The following NFKB1 variants were observed in gnomAD, a reference collection of about 807,000 sequenced individuals.
NFKB1 encodes the protein nuclear factor NF-kappa-B p105 subunit.
A neutral mutation model predicts 105.1 loss-of-function variants in NFKB1; 9 were observed. The ratio of observed to expected loss-of-function variants is 0.09; its 90% CI spans 0.05 to 0.15. The LOEUF (loss-of-function observed/expected upper bound fraction) is 0.15, where lower values mean the gene tolerates loss of function less well. NFKB1 is among the 10% of genes least tolerant of loss of function. The pLI is 1.00. For missense variants in NFKB1, 830 were observed against 1,203.7 expected, an observed-to-expected ratio of 0.69 and a Z score of 4.59; for synonymous variants, 440 against 442.2, an observed-to-expected ratio of 1.00 and a Z score of 0.06.
intron 16 of NFKB1, among the ~76,000 whole-genome samples, chr4:102,603,135 C>A (rs551188723): frequency 6.6e-6 from 1 of 152,092 alleles, no homozygotes; most frequent in Non-Finnish European, 1.5e-5. Flanking sequence ...TGCAGTGGCG[C>A]GATCTCGGCT....
chr4:102,556,164 A>G (rs968959030), intron 5 of NFKB1, among the ~76,000 whole-genome samples: 3 of 152,178 alleles, frequency 2.0e-5, no homozygotes, highest in Non-Finnish European at 4.4e-5. Context: ...CAGCATTTGT[A>G]TTTCCATTTC....
intron 15 of NFKB1, among the ~76,000 whole-genome samples, chr4:102,599,136 G>A (rs1726909706): frequency 6.6e-6 from 1 of 152,102 alleles, no homozygotes; most frequent in African/African-American, 2.4e-5. Flanking sequence ...GATTTGAGGG[G>A]GAGGGGGAAT....
chr4:102,534,746 A>C (rs1322594126), intron 4 of NFKB1, among the ~76,000 whole-genome samples: 1 of 152,206 alleles, frequency 6.6e-6, no homozygotes, highest in African/African-American at 2.4e-5. Context: ...GTCCTCTTGC[A>C]GCTGTATTAC....
intron 19 of NFKB1, among the ~76,000 whole-genome samples, chr4:102,608,040 TAG>T (rs1291015688): frequency 3.3e-5 from 5 of 152,202 alleles, no homozygotes; most frequent in Admixed American, 6.5e-5. Context: ...CTTTTCAAAG[TAG>T]AGTTTGATTC....
intron 11 of NFKB1, among the ~76,000 whole-genome samples, chr4:102,589,999 A>G (rs1237186312): frequency 6.6e-6 from 1 of 152,208 alleles, no homozygotes; most frequent in Non-Finnish European, 1.5e-5. Flanking sequence ...AAAAGCAATC[A>G]GAAGTCTCAG....
chr4:102,606,238 A>C (rs1438557831), intron 16 of NFKB1, among the ~76,000 whole-genome samples: 1 of 152,240 alleles, frequency 6.6e-6, no homozygotes, highest in Non-Finnish European at 1.5e-5. Flanking sequence ...TACAATTACT[A>C]TTTGTCAATT....
intron 5 of NFKB1, among the ~76,000 whole-genome samples, chr4:102,548,600 C>T (rs769912779): frequency 5.3e-5 from 8 of 152,112 alleles, no homozygotes; most frequent in Non-Finnish European, 7.4e-5. Flanking sequence ...TTAAAGCAAC[C>T]GAAATTTATT....
At chr4:102,612,268 A>T (rs113931946) in intron 21 of NFKB1, among the ~76,000 whole-genome samples, 158 bp downstream of exon 21, 3 of 152,328 alleles carry the variant, frequency 2.0e-5, no homozygotes, top group African/African-American at 7.2e-5. Context: ...GTTTTAATCT[A>T]CTGTAAATGT....
chr4:102,511,683 A>G (rs1560629559), intron 1 of NFKB1, among the ~76,000 whole-genome samples: 1 of 151,708 alleles, frequency 6.6e-6, no homozygotes, highest in Non-Finnish European at 1.5e-5. Context: ...CAAAAAAGGA[A>G]AAAAAAAATA....
chr4:102,609,411 A>G (rs2149225765), intron 19 of NFKB1, among the ~76,000 whole-genome samples: 1 of 152,036 alleles, frequency 6.6e-6, no homozygotes, highest in Non-Finnish European at 1.5e-5. Flanking sequence ...TGGCAGTTCG[A>G]GACTCACCTG....
chr4:102,523,600 A>G (rs1430031544), intron 1 of NFKB1, among the ~76,000 whole-genome samples: 1 of 152,174 alleles, frequency 6.6e-6, no homozygotes, highest in Non-Finnish European at 1.5e-5. Context: ...TTAAAGAACA[A>G]AGTTTATTTC....
chr4:102,534,833 T>C (rs1302288467), intron 4 of NFKB1, among the ~76,000 whole-genome samples: 3 of 152,200 alleles, frequency 2.0e-5, no homozygotes, highest in African/African-American at 4.8e-5. Context: ...ATTTAACACA[T>C]GCTAACTAGG....
chr4:102,553,844 G>A (rs1435448948), intron 5 of NFKB1, among the ~76,000 whole-genome samples: 1 of 152,074 alleles, frequency 6.6e-6, no homozygotes, highest in Non-Finnish European at 1.5e-5. Flanking sequence ...GTTTTTCTTT[G>A]TCTCTAAATT....
chr4:102,613,301 A>G (rs1476124216), intron 22 of NFKB1, 124 bp from the exon 23 acceptor site: 9 of 997,072 alleles, frequency 9.0e-6, no homozygotes, highest in South Asian at 8.3e-5. Flanking sequence ...TGCCCTTTCC[A>G]TTTCCTCCTG....
Position 102,610,647 on chromosome 4 carries a change from A to G in NFKB1, c.2300A>G (p.Asp767Gly). 6.2e-7 allele frequency: 1 copy of G among 1,614,058 alleles called. No homozygotes were observed. Among genetic ancestry groups the G allele is most frequent in the Non-Finnish European group, 8.5e-7 (1 of 1,179,966 alleles). Reference sequence around the variant, plus strand: ...GACTCTTGGGAAAATGCAGGAGAGGATGAAGGAGTTGTGCCTGGAACCACG... The same window carrying G: ...GACTCTTGGGAAAATGCAGGAGAGGGTGAAGGAGTTGTGCCTGGAACCACG... ...LDDSWENAGE[D>G]EGVVPGTTPL... is the part of the protein sequence containing the mutation. The change falls in exon 20 of 24, where the codon GAT becomes GGT. Residue 767 changes from aspartate to glycine, a missense_variant. Coordinates refer to ENST00000226574, the MANE Select transcript of NFKB1 (RefSeq NM_003998.4).
intron 5 of NFKB1, among the ~76,000 whole-genome samples, chr4:102,547,690 A>G (rs749245465): frequency 1.3e-5 from 2 of 152,180 alleles, no homozygotes; most frequent in African/African-American, 2.4e-5. Context: ...CACTACTACA[A>G]ATATTGAGTG....
In NFKB1 at chr4:102,596,214, T is replaced by G; in HGVS notation, c.1377T>G (p.Phe459Leu). ...ATGACAAAAACACTGTAAACCTCTT[T>G]GGGAAAGTTATTGAAACCACAGAGC... ...KSDDKNTVNL[F>L]GKVIETTEQD... The change falls in exon 14 of 24, where the codon TTT becomes TTG. Residue 459 changes from phenylalanine (F) to leucine (L), a missense_variant. Phe to Leu is a conservative substitution (Grantham distance 22). Transcript: ENST00000226574. The G allele has an allele frequency of 1.2e-6, 2 of 1,613,484 alleles. No individual in the cohort carries two copies. Among genetic ancestry groups the G allele is most frequent in the Non-Finnish European group, 1.7e-6 (2 of 1,179,528 alleles).
chr4:102,558,541 G>T (rs1183872507), intron 5 of NFKB1, among the ~76,000 whole-genome samples: 1 of 152,090 alleles, frequency 6.6e-6, no homozygotes, highest in East Asian at 1.9e-4. Flanking sequence ...ATTTTATCCT[G>T]TCTTAATTAT....
chr4:102,520,357 A>G (rs1252321775), intron 1 of NFKB1, among the ~76,000 whole-genome samples: 2 of 152,206 alleles, frequency 1.3e-5, no homozygotes. Flanking sequence ...ATCTAATAAA[A>G]TGGCTAACAT....
Sources: allele counts gnomAD v4.1 joint callset (sites outside exome capture counted in the v4.1 genomes callset), GRCh38; gene constraint gnomAD v4.1.1; transcripts MANE v1.5; gene names NCBI Gene and HGNC (gene_info 2026-07-23, HGNC 2026-07-21).